Variants in JDP2 observed in about 807,000 individuals in gnomAD.
JDP2 encodes the protein Jun dimerization protein 2.
JDP2 carries 9 observed loss-of-function variants against 17.1 expected under a neutral mutation model. The ratio of observed to expected loss-of-function variants is 0.53; its 90% CI spans 0.32 to 0.92. The LOEUF is 0.92. JDP2 is among the 40% of genes least tolerant of loss of function. The probability of loss-of-function intolerance (pLI) is 0.04; values close to 1 mark genes in which losing one functional copy is unlikely to be tolerated. For synonymous variants in JDP2, 107 were observed against 95.6 expected (o/e 1.12, Z -0.69); for missense variants, 179 against 220.0 (o/e 0.81, Z 1.18).
rs1884753224 is a variant in JDP2, at chr14:75,430,601, C to G, written c.-24+2349C>G. Among the ~76,000 whole-genome samples, 1 of 152,058 alleles carries G rather than the reference C, an allele frequency of 6.6e-6. No individual in the cohort carries two copies. Among genetic ancestry groups the G allele is most frequent in the Admixed American group, 6.5e-5 (1 of 15,274 alleles). ...GTTTGAAAACAGAGGGTCTCCTATG[C>G]CTTTGAGGAGGGTGAGAACACTGTT... On this transcript the variant is annotated intron_variant, in intron 1 of 3. Transcript: ENST00000651602. This position sits in a 1 kb window ranked among gnomAD's most constrained non-coding sequence, Gnocchi z 4.5.
At chr14:75,453,569 G>T (rs924874503) in intron 2 of JDP2, among the ~76,000 whole-genome samples, 3 of 152,246 alleles carry the variant, frequency 2.0e-5, no homozygotes, top group African/African-American at 7.2e-5. Flanking sequence ...AACTCTTCCT[G>T]TGCTCCCGGC....
chr14:75,449,260 G>T (rs1885744367), intron 2 of JDP2, among the ~76,000 whole-genome samples: 1 of 152,196 alleles, frequency 6.6e-6, no homozygotes, highest in Non-Finnish European at 1.5e-5. Context: ...ACTTCCAAAG[G>T]CTTTAATAAG....
intron 2 of JDP2, among the ~76,000 whole-genome samples, chr14:75,447,057 A>C (rs1178568639): frequency 6.6e-6 from 1 of 152,162 alleles, no homozygotes; most frequent in Non-Finnish European, 1.5e-5. Context: ...TTAATATAGA[A>C]CTAGGGAGGA....
rs1321240101 is a variant in JDP2, at chr14:75,471,636, T to G, written c.*2161T>G. 6.6e-6 allele frequency: 1 copy of G among 152,214 alleles called. No homozygotes were observed. Among genetic ancestry groups the G allele is most frequent in the Non-Finnish European group, 1.5e-5 (1 of 68,062 alleles). 9.4% of individuals were successfully genotyped at this position (152,214 alleles called of 1,614,324 possible). On this transcript the variant is annotated 3_prime_UTR_variant, in exon 4 of 4. Transcript: ENST00000651602. ...GATTAACACACCTGTGATCCCTCCC[T>G]CGCTCACTCCTCTCAGTTTCCCTCC...
chr14:75,434,318 T>C (rs1884958829), intron 1 of JDP2, among the ~76,000 whole-genome samples: 1 of 152,084 alleles, frequency 6.6e-6, no homozygotes, highest in South Asian at 2.1e-4. Context: ...CCCCCAGAAA[T>C]GTTTAGGATG....
Position 75,470,080 on chromosome 14 carries a change from C to A in JDP2, c.*605C>A, listed in dbSNP as rs1886755543. 2 of 152,562 alleles carry A rather than the reference C, an allele frequency of 1.3e-5. No individual in the cohort carries two copies. Among genetic ancestry groups the A allele is most frequent in the South Asian group, 4.2e-4 (2 of 4,810 alleles). The allele number at this position is 152,562 out of a possible 1,614,324, so 9.5% of individuals were successfully genotyped here. On this transcript the variant is annotated 3_prime_UTR_variant, in exon 4 of 4. Transcript: ENST00000651602. ...CTGGAGTTTGCTGTGGGCACTGAGG[C>A]GCGGGCGCCCTTCCAAAGCACATAC...
intron 3 of JDP2, among the ~76,000 whole-genome samples, chr14:75,464,646 A>G (rs947165337): frequency 3.9e-5 from 6 of 152,160 alleles, no homozygotes; most frequent in African/African-American, 1.2e-4. Flanking sequence ...ACAACTGTAT[A>G]TATGTCATAG....
intron 2 of JDP2, among the ~76,000 whole-genome samples, chr14:75,451,402 C>T (rs1363022496): frequency 4.1e-5 from 6 of 148,078 alleles, no homozygotes; most frequent in Admixed American, 1.4e-4. Flanking sequence ...ACAAGAGGGA[C>T]GGGGGTGTGG....
chr14:75,448,854 G>T (rs931981847), intron 2 of JDP2, among the ~76,000 whole-genome samples: 5 of 152,178 alleles, frequency 3.3e-5, no homozygotes, highest in African/African-American at 1.2e-4. Context: ...CCACTCCATA[G>T]CCCTGGCAAT....
rs1383303323 is a variant in JDP2 at position 75,461,474 on chromosome 14, G to T, written c.250G>T (p.Val84Phe). 7.5e-6 allele frequency: 12 copies of T among 1,610,696 alleles called. No homozygotes were observed. The highest frequency in any genetic ancestry group is 1.0e-5 in the Non-Finnish European group (12 of 1,179,094). ...GAAAAGGCGCCGGGAGAAGAACAAAGTCGCAGCAGCCCGATGCCGGAACAA... is the reference window on the plus strand; with the variant it reads ...GAAAAGGCGCCGGGAGAAGAACAAATTCGCAGCAGCCCGATGCCGGAACAA... ...RRKRRREKNK[V>F]AAARCRNKKK... Residue 84 changes from valine (V) to phenylalanine (F), a missense_variant, in exon 3 of 4, where the codon GTC becomes TTC. Physicochemically the swap from Val to Phe is conservative, Grantham distance 50. Coordinates refer to ENST00000651602, the MANE Select transcript of JDP2 (RefSeq NM_001135048.2).
intron 1 of JDP2, among the ~76,000 whole-genome samples, chr14:75,433,759 G>A (rs1206770255): frequency 6.6e-6 from 1 of 151,996 alleles, no homozygotes; most frequent in African/African-American, 2.4e-5. Context: ...TCATTGGCTG[G>A]CTTCCAACTT....
At position 75,473,052 on chromosome 14, in the gene JDP2, A is replaced by T. The variant is rs1388308814; in HGVS notation, c.*3577A>T. 1 of 152,238 alleles carries T rather than the reference A, an allele frequency of 6.6e-6. No homozygotes were observed. Among genetic ancestry groups the T allele is most frequent in the Non-Finnish European group, 1.5e-5 (1 of 68,050 alleles). The allele number at this position is 152,238 out of a possible 1,614,324, so 9.4% of individuals were successfully genotyped here. A position where few individuals can be genotyped will look rare whatever the true frequency, so the allele number is the denominator to read the frequency against. ...AAAGACAAGACGCTTTAGCTATCAGATGGGCAGAAACAAGTATGTGTTGGT... is the reference window on the plus strand; with the variant it reads ...AAAGACAAGACGCTTTAGCTATCAGTTGGGCAGAAACAAGTATGTGTTGGT... On this transcript the variant is annotated 3_prime_UTR_variant, in exon 4 of 4. Transcript: ENST00000651602.
chr14:75,438,704 G>A (rs1325858860), intron 2 of JDP2, among the ~76,000 whole-genome samples: 1 of 152,192 alleles, frequency 6.6e-6, no homozygotes, highest in African/African-American at 2.4e-5. Flanking sequence ...CTTAGATGGC[G>A]TTTGCCCGGG....
At position 75,428,919 on chromosome 14, in the gene JDP2, G is replaced by C. The variant is rs957898706; in HGVS notation, c.-24+667G>C. 1.3e-5 allele frequency among the ~76,000 whole-genome samples: 2 copies of C among 152,130 alleles called. No individual in the cohort carries two copies. Among genetic ancestry groups the C allele is most frequent in the Non-Finnish European group, 2.9e-5 (2 of 68,008 alleles). On this transcript the variant is annotated intron_variant, in intron 1 of 3. Coordinates refer to ENST00000651602, the MANE Select transcript of JDP2 (RefSeq NM_001135048.2). This position sits in a 1 kb window ranked among gnomAD's most constrained non-coding sequence, Gnocchi z 5.6. Reference sequence around the variant, plus strand: ...TCTCCCACGCCAGGTTATATAAGGAGGCAAGCAGGCTCCTGTAGGTAACCA... The same window carrying C: ...TCTCCCACGCCAGGTTATATAAGGACGCAAGCAGGCTCCTGTAGGTAACCA...
At chr14:75,427,373 G>T (rs951185462), upstream of JDP2, 3 of 152,414 alleles carry the variant, frequency 2.0e-5, no homozygotes, top group Non-Finnish European at 4.4e-5. This position sits in a 1 kb window ranked among gnomAD's most constrained non-coding sequence, Gnocchi z 4.4. Context: ...GCGCTGGCGG[G>T]GGCCGGTGGG....
rs1490461573 is a variant in JDP2, at chr14:75,438,011, A to C, written c.91A>C (p.Thr31Pro). Residue 31 changes from threonine (T) to proline (P), a missense_variant, in exon 2 of 4, where the codon ACT becomes CCT. Coordinates refer to ENST00000651602, the MANE Select transcript of JDP2 (RefSeq NM_001135048.2). ...PLTGLPSSALTVEELKYADIR... is the reference protein window; with the variant it reads ...PLTGLPSSALPVEELKYADIR... ...GACCGGGCTCCCCAGCTCGGCCCTGACTGTGGAGGAGCTGAAATACGCTGA... is the reference window on the plus strand; with the variant it reads ...GACCGGGCTCCCCAGCTCGGCCCTGCCTGTGGAGGAGCTGAAATACGCTGA... 1 of 1,613,732 alleles carries C rather than the reference A, an allele frequency of 6.2e-7. No individual in the cohort carries two copies. Among genetic ancestry groups the C allele is most frequent in the Non-Finnish European group, 8.5e-7 (1 of 1,179,908 alleles).
intron 2 of JDP2, among the ~76,000 whole-genome samples, chr14:75,443,864 T>TA (rs1031174707): frequency 6.6e-6 from 1 of 151,998 alleles, no homozygotes; most frequent in Non-Finnish European, 1.5e-5. Context: ...ATTAATATCT[T>TA]AAAGTGAGGA....
At chr14:75,461,966 A>G (rs1356314060) in intron 3 of JDP2, among the ~76,000 whole-genome samples, 1 of 152,228 alleles carries the variant, frequency 6.6e-6, no homozygotes, top group African/African-American at 2.4e-5. Context: ...CTTTGCACAG[A>G]GAAAAGCTCC....
rs1338315206 is a variant in JDP2, at chr14:75,428,194, G to C, written c.-82G>C. 6.9e-6 allele frequency: 1 copy of C among 145,896 alleles called. No individual in the cohort carries two copies. The highest frequency in any genetic ancestry group is 1.5e-5 in the Non-Finnish European group (1 of 65,684). The allele number at this position is 145,896 out of a possible 1,614,324, so 9.0% of individuals were successfully genotyped here. A position where few individuals can be genotyped will look rare whatever the true frequency, so the allele number is the denominator to read the frequency against. On this transcript the variant is annotated 5_prime_UTR_variant, in exon 1 of 4. Coordinates refer to ENST00000651602, the MANE Select transcript of JDP2 (RefSeq NM_001135048.2). This position sits in a 1 kb window ranked among gnomAD's most constrained non-coding sequence, Gnocchi z 5.6. ...GGCGGCAGCGGCGCGGAGCGGGCACGGCGCCTGCAGCCGGGCCCCGGCCCC... is the reference window on the plus strand; with the variant it reads ...GGCGGCAGCGGCGCGGAGCGGGCACCGCGCCTGCAGCCGGGCCCCGGCCCC...
Sources: allele counts gnomAD v4.1 joint callset (sites outside exome capture counted in the v4.1 genomes callset), GRCh38; gene constraint gnomAD v4.1.1; non-coding constraint Gnocchi (gnomAD v3.1); transcripts MANE v1.5; gene names NCBI Gene and HGNC (gene_info 2026-07-23, HGNC 2026-07-21).